ALOX5: variants seen among roughly 807,000 people sequenced by gnomAD.
ALOX5 encodes polyunsaturated fatty acid 5-lipoxygenase.
ALOX5 carries 64 observed loss-of-function variants against 87.9 expected under a neutral mutation model. That is an observed-to-expected ratio of 0.73 (90% CI 0.60 to 0.90). The LOEUF (loss-of-function observed/expected upper bound fraction) is 0.90. ALOX5 is among the 40% of genes least tolerant of loss of function. The pLI, the probability that ALOX5 is intolerant of heterozygous loss-of-function variation, is 0.00. For missense variants in ALOX5, 822 were observed against 907.5 expected (o/e 0.91, Z 1.21); for synonymous variants, 388 against 355.1 (o/e 1.09, Z -1.04).
chr10:45,424,253 A>G (rs1841614574), intron 5 of ALOX5, 106 bp downstream of exon 5: 1 of 967,224 alleles, frequency 1.0e-6, no homozygotes. Flanking sequence ...CTGCTGCAGC[A>G]TGGGGGCCTC....
intron 4 of ALOX5, among the ~76,000 whole-genome samples, chr10:45,413,771 A>C (rs1482118773): frequency 6.6e-6 from 1 of 152,208 alleles, no homozygotes; most frequent in Non-Finnish European, 1.5e-5. Context: ...CAATGTGCAA[A>C]AATCACAAGC....
Position 45,416,354 on chromosome 10 carries a change from A to G in ALOX5, c.554+4041A>G, listed in dbSNP as rs554236460. On this transcript the variant is annotated intron_variant, in intron 4 of 13. Transcript: ENST00000374391. The stretch of plus-strand genomic sequence containing the variant: ...GCTGGGGCATTTTTCTCCTACCACA[A>G]TTGGGGTCTACTGGAGAGAAAAATT... Among the ~76,000 whole-genome samples the G allele has an allele frequency of 1.5e-4, 23 of 152,222 alleles. No homozygotes were observed. The South Asian group carries it at 4.6e-3, about 30-fold the overall frequency.
chr10:45,413,159 A>T (rs988008996), intron 4 of ALOX5, among the ~76,000 whole-genome samples: 4 of 152,208 alleles, frequency 2.6e-5, no homozygotes, highest in African/African-American at 9.7e-5. Flanking sequence ...TTTTAGACCA[A>T]TATCCCTGAT....
At chr10:45,408,912 G>T (rs975098001) in intron 3 of ALOX5, among the ~76,000 whole-genome samples, 15 of 152,242 alleles carry the variant, frequency 9.9e-5, no homozygotes, top group African/African-American at 3.6e-4. Context: ...ATAATTAGTT[G>T]TCGAATGAAC....
chr10:45,392,049 C>T (rs1226742580), intron 2 of ALOX5, among the ~76,000 whole-genome samples: 1 of 151,488 alleles, frequency 6.6e-6, no homozygotes, highest in African/African-American at 2.4e-5. Flanking sequence ...GGTTCAGCCC[C>T]CCGCCCGGCC....
intron 3 of ALOX5, among the ~76,000 whole-genome samples, chr10:45,403,576 AGT>A (rs754504330): frequency 2.6e-5 from 4 of 151,994 alleles, no homozygotes; most frequent in Non-Finnish European, 5.9e-5. Flanking sequence ...TGCATGTGTG[AGT>A]GTGTGTGTGC....
chr10:45,442,083 C>G (rs1842253127), intron 9 of ALOX5, among the ~76,000 whole-genome samples: 1 of 152,210 alleles, frequency 6.6e-6, no homozygotes, highest in Non-Finnish European at 1.5e-5. Flanking sequence ...CCAGCTGCAG[C>G]TGGACAAGAC....
At chr10:45,444,591 G>C (rs1403688564) in intron 13 of ALOX5, 3 of 393,958 alleles carry the variant, frequency 7.6e-6, no homozygotes, top group Non-Finnish European at 1.4e-5. Flanking sequence ...GTTTTACCCT[G>C]GTACTCCAGA....
chr10:45,423,946 G>A, intron 4 of ALOX5, 95 bp from the exon 5 acceptor site: 1 of 942,866 alleles, frequency 1.1e-6, no homozygotes, highest in East Asian at 2.4e-5. Context: ...GGAGGGGGCG[G>A]GGGTTGTGAG....
At chr10:45,377,732 C>T (rs1839675306) in intron 1 of ALOX5, among the ~76,000 whole-genome samples, 1 of 152,110 alleles carries the variant, frequency 6.6e-6, no homozygotes, top group South Asian at 2.1e-4. Flanking sequence ...GGGGGTGGGG[C>T]ACACATCCTT....
At chr10:45,384,780 G>C (rs1008804781) in intron 2 of ALOX5, among the ~76,000 whole-genome samples, 1 of 151,284 alleles carries the variant, frequency 6.6e-6, no homozygotes, top group Non-Finnish European at 1.5e-5. Context: ...GGTGGGGGTG[G>C]GGATGCAGAC....
intron 3 of ALOX5, among the ~76,000 whole-genome samples, chr10:45,406,333 T>C (rs1226289488): frequency 2.6e-5 from 4 of 152,246 alleles, no homozygotes; most frequent in Non-Finnish European, 5.9e-5. Context: ...AGCCTATTTT[T>C]CTACTCGAGA....
intron 2 of ALOX5, among the ~76,000 whole-genome samples, chr10:45,395,029 T>A (rs375918762): frequency 6.6e-6 from 1 of 152,196 alleles, no homozygotes; most frequent in Non-Finnish European, 1.5e-5. Context: ...TAGTTCAACC[T>A]TTGTGGAAGA....
rs201232300 is a variant in ALOX5, at chr10:45,399,806, C to CA, written c.431+3876dup. ...CAACTCAATTTTAAAATATTCTGTA[C>CA]AAAAAACCCCGTTTAAAAATTAGCA... On this transcript the variant is annotated intron_variant, in intron 3 of 13. Transcript: ENST00000374391. Among the ~76,000 whole-genome samples, 894 of 152,150 alleles carry CA rather than the reference C, an allele frequency of 5.9e-3. 8 individuals are homozygous for CA. The highest frequency in any genetic ancestry group is 0.02 in the African/African-American group (820 of 41,496).
chr10:45,391,477 C>T (rs1840250299), intron 2 of ALOX5, among the ~76,000 whole-genome samples: 1 of 152,166 alleles, frequency 6.6e-6, no homozygotes, highest in South Asian at 2.1e-4. Flanking sequence ...CCTTGGCCTC[C>T]CAAAGTGCCG....
chr10:45,412,094 C>G, intron 3 of ALOX5, 97 bp from the exon 4 acceptor site: 1 of 1,534,788 alleles, frequency 6.5e-7, no homozygotes, highest in South Asian at 1.2e-5. Context: ...ATCAATCTCC[C>G]TGTGTAACAT....
chr10:45,379,455 C>T (rs1341315815), intron 1 of ALOX5, among the ~76,000 whole-genome samples: 1 of 152,234 alleles, frequency 6.6e-6, no homozygotes, highest in African/African-American at 2.4e-5. Context: ...GTCCTCACAG[C>T]CCTGTCTCCA....
chr10:45,405,852 C>T (rs985992543), intron 3 of ALOX5, among the ~76,000 whole-genome samples: 1 of 152,002 alleles, frequency 6.6e-6, no homozygotes, highest in Non-Finnish European at 1.5e-5. Flanking sequence ...CATCTTCCCA[C>T]GTCAGCCTCC....
intron 7 of ALOX5, among the ~76,000 whole-genome samples, chr10:45,433,350 A>G (rs1012224974): frequency 2.6e-5 from 4 of 152,244 alleles, no homozygotes; most frequent in African/African-American, 7.2e-5. Context: ...GTGGGCGGTC[A>G]GAGGGTCCTG....
Sources: gnomAD v4.1 joint callset for allele counts (sites outside exome capture counted in the v4.1 genomes callset) on GRCh38, gnomAD v4.1.1 for gene constraint, MANE v1.5 for transcripts, NCBI Gene and HGNC (gene_info 2026-07-23, HGNC 2026-07-21) for gene names.